Variants in DCHS2 observed in about 807,000 individuals in gnomAD.
DCHS2 encodes protocadherin-23.
A neutral mutation model predicts 182.4 loss-of-function variants in DCHS2; 142 were observed. The observed-to-expected ratio is 0.78, with a 90% confidence interval of 0.68 to 0.89. The LOEUF (loss-of-function observed/expected upper bound fraction) is 0.89. DCHS2 is among the 40% of genes least tolerant of loss of function. DCHS2 has a pLI of 0.00. For missense variants in DCHS2, 4,319 were observed against 4,198.6 expected (o/e 1.03, Z -0.79); for synonymous variants, 1,740 against 1,663.3 (o/e 1.05, Z -1.12).
intron 1 of DCHS2, among the ~76,000 whole-genome samples, chr4:154,417,228 AG>A (rs1560745952): frequency 1.3e-5 from 2 of 149,714 alleles, no homozygotes; most frequent in African/African-American, 4.9e-5. Context: ...AGAGAGAGAG[AG>A]AGAGAGAGAG....
At chr4:154,300,628 T>A (rs1350345781) in intron 12 of DCHS2, among the ~76,000 whole-genome samples, 2 of 151,824 alleles carry the variant, frequency 1.3e-5, no homozygotes, top group Non-Finnish European at 2.9e-5. Flanking sequence ...GGGTACAGGC[T>A]GCAGTGAGCT....
Position 154,333,247 on chromosome 4 carries a change from T to G in DCHS2, c.2961A>C (p.Arg987Ser). The G allele has an allele frequency of 1.2e-6, 2 of 1,614,156 alleles. No homozygotes were observed. The highest frequency in any genetic ancestry group is 8.5e-7 in the Non-Finnish European group (1 of 1,180,026). ...TGCCAGGGGGCGTGGTCTGGGATAT[T>G]CTAATCTCATCCGAGGTCCTGAGGA... ...PAFLRTSDEI[R>S]ISQTTPPGTA... Residue 987 changes from arginine to serine, a missense_variant, in exon 5 of 20, where the codon AGA becomes AGC. Coordinates refer to ENST00000357232, the MANE Select transcript of DCHS2 (RefSeq NM_001358235.2).
intron 1 of DCHS2, among the ~76,000 whole-genome samples, chr4:154,461,203 G>A (rs557840581): frequency 3.3e-5 from 5 of 152,242 alleles, no homozygotes; most frequent in East Asian, 1.9e-4. Context: ...TTTTAGGCCC[G>A]TCATCTAACA....
intron 13 of DCHS2, among the ~76,000 whole-genome samples, chr4:154,294,702 T>A (rs1261087247): frequency 6.6e-6 from 1 of 152,182 alleles, no homozygotes; most frequent in Non-Finnish European, 1.5e-5. Flanking sequence ...TAAAAAATCA[T>A]AAGTGGCTTC....
intron 1 of DCHS2, among the ~76,000 whole-genome samples, chr4:154,408,895 G>A (rs1021362099): frequency 3.3e-5 from 5 of 152,292 alleles, no homozygotes; most frequent in Admixed American, 1.3e-4. Flanking sequence ...GAACATCTGA[G>A]GTTCTCACAG....
chr4:154,486,088 T>C (rs549419050), intron 1 of DCHS2, among the ~76,000 whole-genome samples: 35 of 152,218 alleles, frequency 2.3e-4, no homozygotes, highest in Non-Finnish European at 4.7e-4. Context: ...GCTGTCCACC[T>C]GAGACAGGCA....
intron 10 of DCHS2, among the ~76,000 whole-genome samples, chr4:154,312,681 C>G (rs781520444): frequency 4.6e-5 from 7 of 152,112 alleles, no homozygotes; most frequent in Non-Finnish European, 8.8e-5. Context: ...CATAAAGAAA[C>G]ATTTAAAATA....
chr4:154,374,003 A>C (rs1252136267), intron 2 of DCHS2: 22 of 35,316 alleles, frequency 6.2e-4, no homozygotes, highest in South Asian at 1.4e-3. Flanking sequence ...TTTTAATAGC[A>C]AAAAAAAAAA....
At chr4:154,377,206 C>T in intron 2 of DCHS2, 47 bp downstream of exon 2, 1 of 1,554,664 alleles carries the variant, frequency 6.4e-7, no homozygotes, top group Non-Finnish European at 8.8e-7. Flanking sequence ...TACACAGTGG[C>T]TCACTTGTGA....
At chr4:154,301,339 T>C (rs1055733109) in intron 12 of DCHS2, among the ~76,000 whole-genome samples, 11 of 152,180 alleles carry the variant, frequency 7.2e-5, no homozygotes. Flanking sequence ...TTTTGGCATA[T>C]AACTCAGAAG....
In DCHS2 at chr4:154,358,902, A is replaced by G. The variant is rs117244520; in HGVS notation, c.2476+7308T>C. Among the ~76,000 whole-genome samples the G allele has an allele frequency of 4.0e-4, 60 of 151,832 alleles. No individual in the cohort carries two copies. In the East Asian group the frequency reaches 9.3e-3, roughly 23 times the overall value. ...ATTTGTTATTAATTGTTTACTATAT[A>G]TAAATATGCATATATGTAATATATG... is the stretch of plus-strand genomic sequence containing the variant. On this transcript the variant is annotated intron_variant, in intron 3 of 19. Transcript: ENST00000357232.
At position 154,328,142 on chromosome 4, in the gene DCHS2, C is replaced by A. The variant is rs1736364538; in HGVS notation, c.3969G>T (p.Lys1323Asn). The change falls in exon 7 of 20, where the codon AAG (lysine) becomes AAT (asparagine). Residue 1323 changes from lysine to asparagine, a missense_variant. Coordinates refer to ENST00000357232, the MANE Select transcript of DCHS2 (RefSeq NM_001358235.2). Reference sequence around the variant, plus strand: ...CTGCATTATTTCCTTCATCAGGATCCTTTGCAAACACAGTTGTAACCAACA... The same window carrying A: ...CTGCATTATTTCCTTCATCAGGATCATTTGCAAACACAGTTGTAACCAACA... ...VNMLVTTVFA[K>N]DPDEGNNAEV... The A allele has an allele frequency of 1.2e-6, 2 of 1,609,612 alleles. No individual in the cohort carries two copies. The highest frequency in any genetic ancestry group is 1.1e-5 in the South Asian group (1 of 89,984).
At chr4:154,432,213 C>T (rs1733587396) in intron 1 of DCHS2, among the ~76,000 whole-genome samples, 1 of 152,186 alleles carries the variant, frequency 6.6e-6, no homozygotes, top group Admixed American at 6.5e-5. Flanking sequence ...AATAGTCCAT[C>T]TTTTTACATA....
At chr4:154,440,717 ACACAGAAAAAATGTTATGTTGTAC>A (rs1375814507) in intron 1 of DCHS2, among the ~76,000 whole-genome samples, 1 of 152,174 alleles carries the variant, frequency 6.6e-6, no homozygotes, top group Non-Finnish European at 1.5e-5. Context: ...TGTGTTTCTT[ACACAGAAAAAATGTTATGTTGTAC>A]CCTTCTTATC....
intron 13 of DCHS2, among the ~76,000 whole-genome samples, chr4:154,287,465 C>T (rs747075535): frequency 6.6e-6 from 1 of 152,026 alleles, no homozygotes; most frequent in Non-Finnish European, 1.5e-5. Flanking sequence ...AGTGAGGGAG[C>T]AAAGTTAAGG....
intron 1 of DCHS2, among the ~76,000 whole-genome samples, chr4:154,401,472 A>G (rs1295893318): frequency 1.3e-5 from 2 of 152,218 alleles, no homozygotes; most frequent in Non-Finnish European, 2.9e-5. Context: ...CCAGTAACAT[A>G]TGAGTTCCAG....
At position 154,391,206 on chromosome 4, in the gene DCHS2, T is replaced by C. The variant is rs753146877; in HGVS notation, c.2053-13762A>G. The C allele has an allele frequency of 1.4e-5, 22 of 1,613,728 alleles. No homozygotes were observed. In the South Asian group the frequency reaches 2.1e-4, roughly 15 times the overall value. On this transcript the variant is annotated intron_variant, in intron 1 of 19. Transcript: ENST00000357232. ...GGAATTTATTTTCACATACACCTCA[T>C]ATACACAGGCATCAGTACTTTCAAA...
intron 2 of DCHS2, among the ~76,000 whole-genome samples, chr4:154,375,020 T>C (rs1730823211): frequency 6.6e-6 from 1 of 152,134 alleles, no homozygotes; most frequent in Non-Finnish European, 1.5e-5. Context: ...GCTAAAAGAA[T>C]GTATGATACC....
In DCHS2 at chr4:154,365,560, C is replaced by G. The variant is rs577291479; in HGVS notation, c.2476+650G>C. 6.1e-4 allele frequency among the ~76,000 whole-genome samples: 92 copies of G among 151,816 alleles called. 1 individual carries two copies. The highest frequency in any genetic ancestry group is 6.0e-3 in the Admixed American group (92 of 15,268). ...ATCATAGCTTCATATCTCACTGCAG[C>G]CTCAAACTCCTGGCCTCGAGCCATC... On this transcript the variant is annotated intron_variant, in intron 3 of 19. Transcript: ENST00000357232.
Sources: gnomAD v4.1 joint callset for allele counts (sites outside exome capture counted in the v4.1 genomes callset) on GRCh38, gnomAD v4.1.1 for gene constraint, MANE v1.5 for transcripts, NCBI Gene and HGNC (gene_info 2026-07-23, HGNC 2026-07-21) for gene names.